ADGRG4: variants seen among roughly 807,000 people sequenced by gnomAD.
The protein encoded by ADGRG4 is adhesion G protein-coupled receptor G4.
Under a neutral mutation model 126.2 loss-of-function variants are expected in ADGRG4, and 122 were observed. The ratio of observed to expected loss-of-function variants is 0.97; its 90% CI spans 0.83 to 1.12. The LOEUF (loss-of-function observed/expected upper bound fraction) is 1.12, where lower values mean the gene tolerates loss of function less well. ADGRG4 is among the 50% of genes most tolerant of loss of function. The pLI is 0.00. For missense variants in ADGRG4, 2,481 were observed against 2,251.8 expected, an observed-to-expected ratio of 1.10 and a Z score of -2.06; for synonymous variants, 943 against 838.7, an observed-to-expected ratio of 1.12 and a Z score of -2.15.
chrX:136,344,569 A>G lies in ADGRG4; in HGVS notation c.863A>G (p.Asn288Ser), dbSNP rs141974170. The G allele has an allele frequency of 8.3e-7, 1 of 1,202,586 alleles. No homozygotes were observed. The highest frequency in any genetic ancestry group is 1.1e-6 in the Non-Finnish European group (1 of 888,866). The change falls in exon 6 of 26, where the codon AAT (asparagine) becomes AGT (serine). Residue 288 changes from asparagine (N) to serine (S), a missense_variant. Physicochemically the swap from Asn to Ser is conservative, Grantham distance 46 (BLOSUM62 1). Transcript: ENST00000394143. ...GATTACACAACCATATCATATTCCA[A>G]TACAACATCTCCACCTCTGGAAACA... is the stretch of plus-strand genomic sequence containing the variant. Reference protein sequence around the residue: ...ATDYTTISYSNTTSPPLETMT... With the variant: ...ATDYTTISYSSTTSPPLETMT...
intron 23 of ADGRG4, among the ~76,000 whole-genome samples, chrX:136,411,132 C>T (rs2075444357): frequency 9.0e-6 from 1 of 111,348 alleles, no homozygotes; most frequent in Non-Finnish European, 1.9e-5. Context: ...TTCTGACTCA[C>T]TGCAACCTCC....
chrX:136,314,980 T>A (rs2074796227), intron 4 of ADGRG4, among the ~76,000 whole-genome samples: 1 of 111,859 alleles, frequency 8.9e-6, no homozygotes, highest in African/African-American at 3.3e-5. Context: ...TTCCTCTGTC[T>A]CCTATGCCAA....
intron 6 of ADGRG4, among the ~76,000 whole-genome samples, 160 bp downstream of exon 6, chrX:136,350,593 C>G (rs2075056195): frequency 1.8e-5 from 2 of 111,896 alleles, no homozygotes; most frequent in Non-Finnish European, 3.8e-5. Context: ...AGTACCTTGT[C>G]CAAATACAAA....
chrX:136,391,061 G>A (rs2074285259), intron 16 of ADGRG4, among the ~76,000 whole-genome samples: 1 of 111,246 alleles, frequency 9.0e-6, no homozygotes, highest in African/African-American at 3.3e-5. Flanking sequence ...TCAGAAACAG[G>A]AAGTAAGTAG....
chrX:136,397,270 A>G (rs1170910398), intron 19 of ADGRG4, among the ~76,000 whole-genome samples: 1 of 111,385 alleles, frequency 9.0e-6, no homozygotes, highest in Non-Finnish European at 1.9e-5. Flanking sequence ...AGAACTACCA[A>G]AGTAAACACT....
At chrX:136,332,285 T>G (rs1242604671) in intron 5 of ADGRG4, among the ~76,000 whole-genome samples, 1 of 106,867 alleles carries the variant, frequency 9.4e-6, no homozygotes. Context: ...GATAGTTTAC[T>G]GAGAATGATG....
rs1274976407 is a variant in ADGRG4 at position 136,348,743 on chromosome X, A to T, written c.5037A>T (p.Pro1679=). ...TPFVGTTAFS[P]LSSKSTGAIS... is the part of the protein sequence containing the mutation. ...TTGTAGGCACCACTGCCTTCTCTCC[A>T]CTCAGTTCTAAGAGCACTGGAGCTA... The change falls in exon 6 of 26, where the codon CCA becomes CCT. Residue 1679 remains proline, a synonymous_variant. Coordinates refer to ENST00000394143, the MANE Select transcript of ADGRG4 (RefSeq NM_153834.4). 8 of 1,206,536 alleles carry T rather than the reference A, an allele frequency of 6.6e-6. No homozygotes were observed. The Admixed American group carries it at 1.3e-4, about 20-fold the overall frequency.
intron 4 of ADGRG4, among the ~76,000 whole-genome samples, chrX:136,319,552 G>T (rs771602647): frequency 1.8e-5 from 2 of 111,470 alleles, no homozygotes; most frequent in Non-Finnish European, 3.8e-5. Flanking sequence ...GCTTTCACAG[G>T]CATCTGTTGC....
chrX:136,336,524 T>G (rs932855982), intron 5 of ADGRG4, among the ~76,000 whole-genome samples: 1 of 111,720 alleles, frequency 9.0e-6, no homozygotes, highest in African/African-American at 3.3e-5. Flanking sequence ...TGAGGCTCTG[T>G]TGTTTGATAT....
At chrX:136,305,983 A>C (rs754955326) in intron 3 of ADGRG4, 1 of 112,013 alleles carries the variant, frequency 8.9e-6, no homozygotes, top group African/African-American at 3.2e-5. Flanking sequence ...CGGATCAATA[A>C]GCCCCATAAA....
Position 136,347,671 on chromosome X carries a change from C to A in ADGRG4, c.3965C>A (p.Thr1322Asn), listed in dbSNP as rs374446082. The change falls in exon 6 of 26, where the codon ACT (threonine) becomes AAT (asparagine). Residue 1322 changes from threonine (T) to asparagine (N), a missense_variant. Coordinates refer to ENST00000394143, the MANE Select transcript of ADGRG4 (RefSeq NM_153834.4). ...THSPSEIPLG[T>N]PSDGNLASSP... ...TCGCCTTCAGAGATTCCACTTGGGA[C>A]TCCCTCTGATGGAAATTTGGCTTCA... is the stretch of plus-strand genomic sequence containing the variant. The A allele has an allele frequency of 1.7e-6, 2 of 1,208,914 alleles. No individual in the cohort carries two copies. The highest frequency in any genetic ancestry group is 2.2e-5 in the Admixed American group (1 of 45,733).
At chrX:136,306,902 C>A (rs2074737499) in intron 3 of ADGRG4, among the ~76,000 whole-genome samples, 1 of 110,347 alleles carries the variant, frequency 9.1e-6, no homozygotes, top group Non-Finnish European at 1.9e-5. Flanking sequence ...TTAGTAGAGA[C>A]AGGGTTTCAC....
In ADGRG4 at chrX:136,342,921, T is replaced by TGTGA. The variant is rs1251871214; in HGVS notation, c.686-1470_686-1469insTGAG. On this transcript the variant is annotated intron_variant, in intron 5 of 25. Transcript: ENST00000394143. ...GTGTGTGTGTGTGTGTGTGTGTGTG[T>TGTGA]GAGAGAGAGAGAGGAAGGGGATCAG... 9.7e-3 allele frequency among the ~76,000 whole-genome samples: 819 copies of TGTGA among 84,295 alleles called. 13 individuals are homozygous for TGTGA. Among genetic ancestry groups the TGTGA allele is most frequent in the African/African-American group, 0.036 (765 of 21,173 alleles). 73.2% of individuals were successfully genotyped at this position (84,295 alleles called of 115,157 possible).
chrX:136,382,279 C>T (rs191663357), intron 15 of ADGRG4, among the ~76,000 whole-genome samples: 43 of 111,739 alleles, frequency 3.8e-4, no homozygotes, highest in Non-Finnish European at 7.5e-4. Context: ...ATTAACAATA[C>T]TTAAATGCTG....
chrX:136,410,872 A>G (rs1484428933), intron 23 of ADGRG4, among the ~76,000 whole-genome samples: 1 of 112,284 alleles, frequency 8.9e-6, no homozygotes, highest in African/African-American at 3.2e-5. Flanking sequence ...TACAAGAAAC[A>G]AAATGTTATG....
At chrX:136,407,235 G>A (rs1446938976) in intron 23 of ADGRG4, among the ~76,000 whole-genome samples, 1 of 109,814 alleles carries the variant, frequency 9.1e-6, no homozygotes, top group Non-Finnish European at 1.9e-5. Flanking sequence ...GCTCCCACAA[G>A]GAAAAAGTTC....
rs141022729 is a variant in ADGRG4, at chrX:136,327,254, G to A, written c.685+3862G>A. ...ATGGGTTTGTAATAAGTGTGTGCAT[G>A]TATGTGCATGAGTGTGTACAGTTTT... On this transcript the variant is annotated intron_variant, in intron 5 of 25. Transcript: ENST00000394143. Among the ~76,000 whole-genome samples, 13 of 110,630 alleles carry A rather than the reference G, an allele frequency of 1.2e-4. No individual in the cohort carries two copies. The East Asian group carries it at 3.6e-3, about 31-fold the overall frequency.
chrX:136,327,662 C>A (rs983184692), intron 5 of ADGRG4, among the ~76,000 whole-genome samples: 2 of 109,747 alleles, frequency 1.8e-5, no homozygotes, highest in African/African-American at 3.3e-5. Context: ...ATTTAAGTTG[C>A]TTTCAATTTT....
intron 13 of ADGRG4, among the ~76,000 whole-genome samples, chrX:136,365,041 A>G (rs2075150434): frequency 8.9e-6 from 1 of 112,052 alleles, no homozygotes; most frequent in Non-Finnish European, 1.9e-5. Context: ...CTTCATCAAC[A>G]CAGCATGTTT....
Sources: gnomAD v4.1 joint callset for allele counts (sites outside exome capture counted in the v4.1 genomes callset) on GRCh38, gnomAD v4.1.1 for gene constraint, MANE v1.5 for transcripts, NCBI Gene and HGNC (gene_info 2026-07-23, HGNC 2026-07-21) for gene names.